LARGE1: variants seen among roughly 807,000 people sequenced by gnomAD.
LARGE1 encodes LARGE xylosyl- and glucuronyltransferase 1, also known as xylosyl- and glucuronyltransferase LARGE1.
Under a neutral mutation model 87.6 loss-of-function variants are expected in LARGE1, and 43 were observed. That is an observed-to-expected ratio of 0.49 (90% CI 0.38 to 0.63). The LOEUF (loss-of-function observed/expected upper bound fraction) is 0.63, where lower values mean the gene tolerates loss of function less well. LARGE1 is among the 30% of genes least tolerant of loss of function. LARGE1 has a pLI of 0.00. For synonymous variants in LARGE1, 434 were observed against 394.6 expected, an observed-to-expected ratio of 1.10 and a Z score of -1.18; for missense variants, 802 against 1,000.2, an observed-to-expected ratio of 0.80 and a Z score of 2.67.
intron 11 of LARGE1, among the ~76,000 whole-genome samples, chr22:33,306,876 AAAG>A (rs1379138469): frequency 6.6e-6 from 1 of 151,818 alleles, no homozygotes; most frequent in Non-Finnish European, 1.5e-5. Context: ...AAAAAAAAAA[AAAG>A]AATAGAGAAA....
chr22:33,465,033 T>G (rs2068549674), intron 6 of LARGE1, among the ~76,000 whole-genome samples: 2 of 152,328 alleles, frequency 1.3e-5, no homozygotes, highest in Admixed American at 1.3e-4. Flanking sequence ...CTCACAGAAG[T>G]ATTAGGAATA....
intron 9 of LARGE1, among the ~76,000 whole-genome samples, chr22:33,339,519 A>G (rs1026367223): frequency 1.3e-5 from 2 of 152,140 alleles, no homozygotes; most frequent in Non-Finnish European, 1.5e-5. Context: ...CACTCTATTC[A>G]TAATGAAGAA....
the LARGE1 span, among the ~76,000 whole-genome samples, chr22:33,092,892 A>G: frequency 6.6e-6 from 1 of 152,104 alleles, no homozygotes; most frequent in Non-Finnish European, 1.5e-5. Flanking sequence ...ATTTGGGTTG[A>G]TTTCACATCT....
chr22:33,509,393 A>G (rs993317998), intron 6 of LARGE1, among the ~76,000 whole-genome samples: 1 of 152,166 alleles, frequency 6.6e-6, no homozygotes, highest in African/African-American at 2.4e-5. Flanking sequence ...CCAAGCACAC[A>G]TTCCATTGCA....
chr22:33,753,857 C>G (rs1177653605), intron 2 of LARGE1, among the ~76,000 whole-genome samples: 2 of 152,012 alleles, frequency 1.3e-5, no homozygotes. Context: ...GTCAGGAGTT[C>G]AAGACCAGCC....
intron 7 of LARGE1, among the ~76,000 whole-genome samples, chr22:33,418,510 G>A (rs1185078329): frequency 6.6e-6 from 1 of 152,186 alleles, no homozygotes; most frequent in Non-Finnish European, 1.5e-5. Flanking sequence ...ATATAAATCA[G>A]AGTAAAGGGA....
At chr22:33,607,999 G>T (rs1432666618) in intron 4 of LARGE1, among the ~76,000 whole-genome samples, 1 of 152,150 alleles carries the variant, frequency 6.6e-6, no homozygotes. Context: ...GTGGCATGAA[G>T]GGACAATGCT....
In LARGE1 at chr22:33,568,761, A is replaced by T. The variant is rs528432957; in HGVS notation, c.616-3742T>A. Among the ~76,000 whole-genome samples the T allele has an allele frequency of 8.3e-5, 11 of 132,064 alleles. No homozygotes were observed. In the South Asian group the frequency reaches 2.5e-3, roughly 30 times the overall value. 86.6% of individuals were successfully genotyped at this position (132,064 alleles called of 152,430 possible). ...AGCCTGGGCAACAAAAGCGAAACTCAGTCTCAAAAAAAAAAAAAAAAAAAT... is the reference window on the plus strand; with the variant it reads ...AGCCTGGGCAACAAAAGCGAAACTCTGTCTCAAAAAAAAAAAAAAAAAAAT... On this transcript the variant is annotated intron_variant, in intron 5 of 14. Transcript: ENST00000397394.
intron 6 of LARGE1, among the ~76,000 whole-genome samples, chr22:33,457,176 G>A (rs1332034059): frequency 6.6e-6 from 1 of 152,028 alleles, no homozygotes; most frequent in Admixed American, 6.6e-5. Context: ...CAGGGTGGAT[G>A]GAGTGCAGTG....
chr22:33,307,594 A>G (rs1329180819), intron 11 of LARGE1, among the ~76,000 whole-genome samples: 1 of 151,964 alleles, frequency 6.6e-6, no homozygotes, highest in Non-Finnish European at 1.5e-5. Flanking sequence ...CACCTAATAC[A>G]TATTTGTTAT....
intron 6 of LARGE1, among the ~76,000 whole-genome samples, chr22:33,464,774 C>A (rs993762256): frequency 2.0e-5 from 3 of 152,062 alleles, no homozygotes; most frequent in African/African-American, 7.2e-5. Flanking sequence ...ACTGGAATAA[C>A]CATTTTGGAA....
At chr22:33,763,999 G>A (rs1003211558) in intron 1 of LARGE1, among the ~76,000 whole-genome samples, 37 of 151,684 alleles carry the variant, frequency 2.4e-4, no homozygotes, top group Middle Eastern at 3.2e-3. Context: ...ACAGGCACAC[G>A]CCACCACGTC....
At chr22:33,477,155 C>A (rs957307909) in intron 6 of LARGE1, among the ~76,000 whole-genome samples, 7 of 152,190 alleles carry the variant, frequency 4.6e-5, no homozygotes, top group African/African-American at 9.6e-5. Context: ...CAGAAAAAGC[C>A]CCACCTGGGG....
At chr22:33,678,885 C>T (rs750614007) in intron 2 of LARGE1, among the ~76,000 whole-genome samples, 10 of 152,284 alleles carry the variant, frequency 6.6e-5, no homozygotes, top group African/African-American at 1.2e-4. Context: ...GCGCATCTAA[C>T]GAAATAGTTG....
At chr22:33,083,042 TAAA>T in the LARGE1 span, among the ~76,000 whole-genome samples, 1 of 152,004 alleles carries the variant, frequency 6.6e-6, no homozygotes, top group Non-Finnish European at 1.5e-5. Context: ...AAAATAAAAA[TAAA>T]AATAATAAAC....
At chr22:33,434,664 T>C (rs974426995) in intron 6 of LARGE1, among the ~76,000 whole-genome samples, 1 of 152,204 alleles carries the variant, frequency 6.6e-6, no homozygotes, top group African/African-American at 2.4e-5. Context: ...TCTTCAGATA[T>C]CTGAAAGGCC....
At chr22:33,878,775 C>T (rs1451195412) in intron 1 of LARGE1, among the ~76,000 whole-genome samples, 2 of 152,062 alleles carry the variant, frequency 1.3e-5, no homozygotes, top group Non-Finnish European at 2.9e-5. Context: ...GGAAAGACTC[C>T]AGAACTAACA....
At chr22:33,859,321 T>C (rs1395248276) in intron 1 of LARGE1, among the ~76,000 whole-genome samples, 1 of 152,144 alleles carries the variant, frequency 6.6e-6, no homozygotes, top group East Asian at 1.9e-4. Context: ...TTTTAAAATA[T>C]GGAAACAAAC....
Position 33,838,908 on chromosome 22 carries a change from C to T in LARGE1, c.-82-77350G>A, listed in dbSNP as rs564197367. On this transcript the variant is annotated intron_variant, in intron 1 of 14. Transcript: ENST00000397394. ...GGAAAAAAATGAAAGGAATGAACTA[C>T]TCCCATAATAGAAAAACCTTTGCCA... Among the ~76,000 whole-genome samples the T allele has an allele frequency of 4.7e-4, 72 of 152,164 alleles. 3 individuals carry two copies.
Sources: gnomAD v4.1 joint callset for allele counts (sites outside exome capture counted in the v4.1 genomes callset) on GRCh38, gnomAD v4.1.1 for gene constraint, MANE v1.5 for transcripts, NCBI Gene and HGNC (gene_info 2026-07-23, HGNC 2026-07-21) for gene names.